Variants in TTC17 observed in about 807,000 individuals in gnomAD.
TTC17 encodes the protein tetratricopeptide repeat protein 17.
Under a neutral mutation model 143.8 loss-of-function variants are expected in TTC17, and 58 were observed. The ratio of observed to expected loss-of-function variants is 0.40; its 90% CI spans 0.33 to 0.50. The LOEUF (loss-of-function observed/expected upper bound fraction) is 0.50. TTC17 is among the 20% of genes least tolerant of loss of function. The probability of loss-of-function intolerance (pLI) is 0.49; values close to 1 mark genes in which losing one functional copy is unlikely to be tolerated. For missense variants in TTC17, 1,273 were observed against 1,392.5 expected (o/e 0.91, Z 1.37); for synonymous variants, 501 against 497.8 (o/e 1.01, Z -0.09).
At chr11:43,365,997 T>A (rs1290446290) in intron 1 of TTC17, among the ~76,000 whole-genome samples, 2 of 152,026 alleles carry the variant, frequency 1.3e-5, no homozygotes, top group Non-Finnish European at 2.9e-5. Flanking sequence ...TTTTTTTTTT[T>A]TTGAGATGGA....
chr11:43,386,654 CAAAATT>C (rs779601281), intron 2 of TTC17, among the ~76,000 whole-genome samples: 7 of 152,038 alleles, frequency 4.6e-5, no homozygotes, highest in Non-Finnish European at 7.4e-5. Flanking sequence ...CTTCAAATGA[CAAAATT>C]AAAAGATAAG....
chr11:43,437,850 G>T (rs765230715), intron 16 of TTC17, among the ~76,000 whole-genome samples: 12 of 152,076 alleles, frequency 7.9e-5, no homozygotes, highest in Non-Finnish European at 1.6e-4. Flanking sequence ...GCTTTTCTGG[G>T]TTATCTACTC....
At chr11:43,417,414 T>C (rs1410003935) in intron 16 of TTC17, among the ~76,000 whole-genome samples, 5 of 152,240 alleles carry the variant, frequency 3.3e-5, no homozygotes, top group Non-Finnish European at 7.3e-5. Context: ...TAAGTTATCT[T>C]GTCTGACATC....
intron 16 of TTC17, among the ~76,000 whole-genome samples, chr11:43,437,935 T>TA (rs1947328333): frequency 6.6e-6 from 1 of 152,212 alleles, no homozygotes; most frequent in South Asian, 2.1e-4. Context: ...AACAAATACT[T>TA]ATGATTATTG....
chr11:43,447,802 T>C (rs1288409457), intron 18 of TTC17, 200 bp from the exon 19 acceptor site: 1 of 550,378 alleles, frequency 1.8e-6, no homozygotes, highest in Middle Eastern at 4.8e-4. Flanking sequence ...TCCACCTATC[T>C]TTACTCAGAG....
At chr11:43,413,022 ACACAC>A (rs1285639718) in intron 15 of TTC17, among the ~76,000 whole-genome samples, 160 of 144,362 alleles carry the variant, frequency 1.1e-3, no homozygotes, top group Middle Eastern at 7.5e-3. Context: ...ACACACACAC[ACACAC>A]AAATGGGGGC....
intron 2 of TTC17, among the ~76,000 whole-genome samples, chr11:43,381,962 T>C (rs1350864268): frequency 2.6e-5 from 4 of 152,218 alleles, no homozygotes; most frequent in Non-Finnish European, 5.9e-5. Context: ...CATTCAAGAA[T>C]GGATGTCACG....
In TTC17 at chr11:43,412,981, GACACACACACACAC is replaced by G. The variant is rs57982323; in HGVS notation, c.2065-1575_2065-1562del. 1.5e-3 allele frequency among the ~76,000 whole-genome samples: 215 copies of G among 140,476 alleles called. 1 individual carries two copies. Among genetic ancestry groups the G allele is most frequent in the African/African-American group, 3.1e-3 (116 of 37,648 alleles). 92.2% of individuals were successfully genotyped at this position (140,476 alleles called of 152,430 possible). On this transcript the variant is annotated intron_variant, in intron 15 of 23. Coordinates refer to ENST00000039989, the MANE Select transcript of TTC17 (RefSeq NM_018259.6). ...TCTACATAGAACTGGACCTAGAATA[GACACACACACACAC>G]ACACACACACACACACACACACACA...
intron 21 of TTC17, among the ~76,000 whole-genome samples, chr11:43,459,637 G>A (rs1947827008): frequency 6.6e-6 from 1 of 152,190 alleles, no homozygotes; most frequent in Non-Finnish European, 1.5e-5. Context: ...CTACCTGAGA[G>A]CGTCAGCTAG....
intron 9 of TTC17, 115 bp downstream of exon 9, chr11:43,400,163 C>G (rs1590357726): frequency 8.6e-7 from 1 of 1,160,494 alleles, no homozygotes; most frequent in Non-Finnish European, 1.2e-6. Flanking sequence ...TTATGACTTC[C>G]CTACATCTCG....
At chr11:43,423,272 G>C (rs964544010) in intron 16 of TTC17, among the ~76,000 whole-genome samples, 1 of 152,204 alleles carries the variant, frequency 6.6e-6, no homozygotes, top group Non-Finnish European at 1.5e-5. Flanking sequence ...TTGGTAACTG[G>C]ATAGACGTCA....
chr11:43,480,981 G>A (rs562707571), intron 21 of TTC17, among the ~76,000 whole-genome samples: 3 of 150,460 alleles, frequency 2.0e-5, no homozygotes, highest in African/African-American at 7.3e-5. Flanking sequence ...ACTTTTAAAG[G>A]AACTGCATAT....
At chr11:43,367,714 C>CTGTGTGTGTGTGTG (rs3083209) in intron 1 of TTC17, among the ~76,000 whole-genome samples, 1 of 147,082 alleles carries the variant, frequency 6.8e-6, no homozygotes, top group Admixed American at 6.8e-5. Context: ...AGGGGAATGT[C>CTGTGTGTGTGTGTG]TGTGTGTGTG....
intron 21 of TTC17, among the ~76,000 whole-genome samples, chr11:43,480,598 C>T (rs1036529167): frequency 7.2e-5 from 11 of 152,158 alleles, no homozygotes; most frequent in African/African-American, 2.4e-4. Flanking sequence ...AAATAAGATA[C>T]AAACCCAAAC....
At chr11:43,404,913 G>T (rs1858042073) in intron 11 of TTC17, among the ~76,000 whole-genome samples, 1 of 152,054 alleles carries the variant, frequency 6.6e-6, no homozygotes, top group Non-Finnish European at 1.5e-5. Flanking sequence ...GGGAAAAGTA[G>T]TGTTCAATGC....
intron 18 of TTC17, among the ~76,000 whole-genome samples, chr11:43,445,088 A>G (rs1354469332): frequency 6.6e-6 from 1 of 152,220 alleles, no homozygotes; most frequent in Non-Finnish European, 1.5e-5. Flanking sequence ...AAATCATAAC[A>G]CATCTATGCT....
chr11:43,406,614 T>TA (rs1313367246), intron 13 of TTC17, among the ~76,000 whole-genome samples: 2 of 152,272 alleles, frequency 1.3e-5, no homozygotes, highest in African/African-American at 4.8e-5. Flanking sequence ...TACTGTTACT[T>TA]ATATTCAATA....
chr11:43,395,901 G>C (rs892261972), intron 5 of TTC17, among the ~76,000 whole-genome samples: 1 of 152,012 alleles, frequency 6.6e-6, no homozygotes, highest in Non-Finnish European at 1.5e-5. Flanking sequence ...TAGTTAAAAC[G>C]TAATTATTCC....
chr11:43,476,951 G>C (rs946566354), intron 21 of TTC17, among the ~76,000 whole-genome samples: 4 of 152,268 alleles, frequency 2.6e-5, no homozygotes, highest in African/African-American at 9.6e-5. Context: ...AAACTTTTAT[G>C]TTCTGCTTCC....
Sources: gnomAD v4.1 joint callset for allele counts (sites outside exome capture counted in the v4.1 genomes callset) on GRCh38, gnomAD v4.1.1 for gene constraint, MANE v1.5 for transcripts, NCBI Gene and HGNC (gene_info 2026-07-23, HGNC 2026-07-21) for gene names.